Variants in TKT observed in about 807,000 individuals in gnomAD.
TKT encodes the protein transketolase.
TKT carries 47 observed loss-of-function variants against 63.9 expected under a neutral mutation model. The ratio of observed to expected loss-of-function variants is 0.74; its 90% CI spans 0.58 to 0.94. TKT has a LOEUF of 0.94. Among genes scored for constraint, TKT ranks in the 40% least tolerant of loss-of-function variants. The pLI is 0.00. For synonymous variants in TKT, 338 were observed against 334.1 expected (o/e 1.01, Z -0.13); for missense variants, 721 against 846.2 (o/e 0.85, Z 1.84).
chr3:53,239,926 G>A (rs373884515), intron 4 of TKT, among the ~76,000 whole-genome samples: 2 of 152,142 alleles, frequency 1.3e-5, no homozygotes, highest in Non-Finnish European at 2.9e-5. Flanking sequence ...AGGGCTGGGG[G>A]CAAAACAGGA....
chr3:53,236,711 G>A (rs909940903), intron 4 of TKT, among the ~76,000 whole-genome samples: 6 of 152,200 alleles, frequency 3.9e-5, no homozygotes, highest in African/African-American at 9.7e-5. Context: ...CAGGGAAGTC[G>A]AACCGAGGCT....
chr3:53,241,280 G>A lies in TKT; in HGVS notation c.226-35C>T, dbSNP rs1553679819. ...GATGGATGGTGGGGTGAGGTCAGGTGGGGAGCGGTTCTACTTCGGGCTGTG... is the reference window on the plus strand; with the variant it reads ...GATGGATGGTGGGGTGAGGTCAGGTAGGGAGCGGTTCTACTTCGGGCTGTG... On this transcript the variant is annotated intron_variant, in intron 2 of 13. Coordinates refer to ENST00000462138, the MANE Select transcript of TKT (RefSeq NM_001064.4). The A allele has an allele frequency of 3.2e-6, 5 of 1,571,542 alleles. No individual in the cohort carries two copies. The Admixed American group carries it at 8.9e-5, about 28-fold the overall frequency.
In TKT at chr3:53,231,368, C is replaced by T. The variant is rs1704747162; in HGVS notation, c.931G>A (p.Val311Ile). 5 of 1,613,434 alleles carry T rather than the reference C, an allele frequency of 3.1e-6. No individual in the cohort carries two copies. The highest frequency in any genetic ancestry group is 4.2e-6 in the Non-Finnish European group (5 of 1,179,992). ...IRMPSLPSYK[V>I]GDKIATRKAY... ...GCCCCACTTTGTACCTTGTCCCCAA[C>T]TTTGTAGCTGGGCAGGCTGGGCATG... The change falls in exon 7 of 14, where the codon GTT (valine) becomes ATT (isoleucine). Residue 311 changes from valine to isoleucine, a missense_variant. Physicochemically the swap from Val to Ile is conservative, Grantham distance 29 (BLOSUM62 3). Coordinates refer to ENST00000462138, the MANE Select transcript of TKT (RefSeq NM_001064.4).
chr3:53,226,926 C>T (rs782082336), intron 12 of TKT, 48 bp from the exon 13 acceptor site: 2 of 1,558,898 alleles, frequency 1.3e-6, no homozygotes, highest in East Asian at 2.3e-5. Context: ...CTGGGCACCA[C>T]TATCTGCCCT....
intron 1 of TKT, among the ~76,000 whole-genome samples, chr3:53,253,497 G>A (rs868981963): frequency 3.9e-5 from 6 of 152,190 alleles, no homozygotes; most frequent in Non-Finnish European, 4.4e-5. Context: ...TTGGCCGGGG[G>A]CAGTGGTTCA....
intron 1 of TKT, among the ~76,000 whole-genome samples, chr3:53,247,042 ATCT>A (rs1705538683): frequency 1.3e-5 from 2 of 151,030 alleles, no homozygotes; most frequent in Non-Finnish European, 2.9e-5. Flanking sequence ...TACATCATTT[ATCT>A]TCTTCTTTAT....
intron 1 of TKT, among the ~76,000 whole-genome samples, chr3:53,245,771 T>TA (rs782458038): frequency 1.3e-5 from 2 of 151,932 alleles, no homozygotes; most frequent in Non-Finnish European, 2.9e-5. Flanking sequence ...GGCAACAGAG[T>TA]GAGACTCTGT....
At chr3:53,227,008 C>T in intron 12 of TKT, 130 bp from the exon 13 acceptor site, 1 of 1,138,016 alleles carries the variant, frequency 8.8e-7, no homozygotes, top group Non-Finnish European at 1.2e-6. Flanking sequence ...TGTCCCTGTC[C>T]CAGGGAGAAC....
chr3:53,245,710 C>T (rs539788820), intron 1 of TKT, among the ~76,000 whole-genome samples: 4 of 151,682 alleles, frequency 2.6e-5, no homozygotes, highest in South Asian at 4.2e-4. Flanking sequence ...GCTTGAACCC[C>T]GGAGGCGTGG....
At chr3:53,240,141 C>G in intron 4 of TKT, 110 bp downstream of exon 4, 1 of 1,054,904 alleles carries the variant, frequency 9.5e-7, no homozygotes, top group Admixed American at 2.2e-5. Context: ...ATGTATTACT[C>G]TGCCCTAGCC....
In TKT at chr3:53,225,677, C is replaced by T; in HGVS notation, c.*79G>A. The T allele has an allele frequency of 7.0e-7, 1 of 1,425,938 alleles. No homozygotes were observed. The highest frequency in any genetic ancestry group is 9.4e-7 in the Non-Finnish European group (1 of 1,058,716). 88.3% of individuals were successfully genotyped at this position (1,425,938 alleles called of 1,614,324 possible). ...TTTTTCTCAAAACATATATTTACCC[C>T]TCCTCTCAGTACATCTTTGAGCACC... On this transcript the variant is annotated 3_prime_UTR_variant, in exon 14 of 14. Transcript: ENST00000462138.
At chr3:53,232,771 C>A (rs1306938211) in intron 6 of TKT, 5 of 408,034 alleles carry the variant, frequency 1.2e-5, no homozygotes, top group African/African-American at 2.1e-5. Context: ...CCGGGCCCTG[C>A]CTGGCTCTGT....
rs1182215013 is a variant in TKT, at chr3:53,225,765, G to C, written c.1863C>G (p.Thr621=). ...AIAQAVRGLI[T]KA Reference sequence around the variant, plus strand: ...ACACTTCATACCCGCCCTAGGCCTTGGTGATGAGGCCCCTCACAGCTTGTG... The same window carrying C: ...ACACTTCATACCCGCCCTAGGCCTTCGTGATGAGGCCCCTCACAGCTTGTG... The change falls in exon 14 of 14, where the codon ACC becomes ACG. Residue 621 remains threonine, a synonymous_variant. Coordinates refer to ENST00000462138, the MANE Select transcript of TKT (RefSeq NM_001064.4). 6.2e-7 allele frequency: 1 copy of C among 1,612,310 alleles called. No homozygotes were observed. The highest frequency in any genetic ancestry group is 8.5e-7 in the Non-Finnish European group (1 of 1,178,960).
In TKT at chr3:53,229,399, G is replaced by A. The variant is rs782171909; in HGVS notation, c.1145C>T (p.Thr382Met). Residue 382 changes from threonine to methionine, a missense_variant, in exon 9 of 14, where the codon ACG (threonine) becomes ATG (methionine). Transcript: ENST00000462138. ...TGCAAAAGTGCTGCAGAAGGGCACC[G>A]TCCTGTTGCGGGTGGCACAGCCCAC... is the stretch of plus-strand genomic sequence containing the variant. ...IAVGCATRNRTVPFCSTFAAF... is the reference protein window; with the variant it reads ...IAVGCATRNRMVPFCSTFAAF... 1.9e-5 allele frequency: 30 copies of A among 1,611,158 alleles called. No individual in the cohort carries two copies. The highest frequency in any genetic ancestry group is 6.7e-5 in the Admixed American group (4 of 59,616).
intron 10 of TKT, chr3:53,228,604 G>A (rs1005146100): frequency 1.7e-5 from 9 of 535,896 alleles, no homozygotes; most frequent in African/African-American, 1.3e-4. Flanking sequence ...CTGGCTGCAG[G>A]TGGGCTACTC....
rs782746915 is a variant in TKT at position 53,226,804 on chromosome 3, G to A, written c.1648C>T (p.Arg550Cys). 16 of 1,614,002 alleles carry A rather than the reference G, an allele frequency of 9.9e-6. No homozygotes were observed. The highest frequency in any genetic ancestry group is 4.5e-5 in the East Asian group (2 of 44,886). ...LDRKLILDSA[R>C]ATKGRILTVE... is the part of the protein sequence containing the mutation. Reference sequence around the variant, plus strand: ...GTGAGGATCCTGCCCTTGGTGGCACGAGCGCTGTCGAGAATGAGTTTTCTG... The same window carrying A: ...GTGAGGATCCTGCCCTTGGTGGCACAAGCGCTGTCGAGAATGAGTTTTCTG... The change falls in exon 13 of 14, where the codon CGT becomes TGT. Residue 550 changes from arginine (R) to cysteine (C), a missense_variant. By Grantham distance (180) the Arg-to-Cys change is radical (BLOSUM62 -3). Coordinates refer to ENST00000462138, the MANE Select transcript of TKT (RefSeq NM_001064.4).
intron 4 of TKT, among the ~76,000 whole-genome samples, chr3:53,238,132 C>T (rs1705118978): frequency 6.6e-6 from 1 of 152,044 alleles, no homozygotes; most frequent in Non-Finnish European, 1.5e-5. Flanking sequence ...CTCCAGGCAA[C>T]CCTGGCCCCA....
In TKT at chr3:53,242,183, A is replaced by G. The variant is rs782675382; in HGVS notation, c.167T>C (p.Met56Thr). ...EIMAVLFFHT[M>T]RYKSQDPRNP... ...CCGGGGGTCCTGGGACTTGTAGCGC[A>G]TGGTGTGGAAAAAGAGGACAGCCAT... Residue 56 changes from methionine (M) to threonine (T), a missense_variant, in exon 2 of 14, where the codon ATG becomes ACG. Coordinates refer to ENST00000462138, the MANE Select transcript of TKT (RefSeq NM_001064.4). 3 of 1,614,144 alleles carry G rather than the reference A, an allele frequency of 1.9e-6. No individual in the cohort carries two copies. Among genetic ancestry groups the G allele is most frequent in the South Asian group, 2.2e-5 (2 of 91,082 alleles).
intron 2 of TKT, 58 bp downstream of exon 2, chr3:53,242,067 C>A: frequency 6.6e-7 from 1 of 1,511,002 alleles, no homozygotes; most frequent in East Asian, 2.3e-5. Flanking sequence ...CATTCCAGGG[C>A]CCGTGTGACC....
Sources: gnomAD v4.1 joint callset for allele counts (sites outside exome capture counted in the v4.1 genomes callset) on GRCh38, gnomAD v4.1.1 for gene constraint, MANE v1.5 for transcripts, NCBI Gene and HGNC (gene_info 2026-07-23, HGNC 2026-07-21) for gene names.